The following ARHGAP15 variants were observed in gnomAD, a reference collection of about 807,000 sequenced individuals.
The protein encoded by ARHGAP15 is Rho GTPase activating protein 15.
In ARHGAP15, 51 loss-of-function variants were observed where a neutral mutation model predicts 63.7. The observed-to-expected ratio is 0.80, with a 90% CI of 0.64 to 1.01. The LOEUF is 1.01. Among genes scored for constraint, ARHGAP15 ranks in the 50% least tolerant of loss-of-function variants. ARHGAP15 has a pLI of 0.00. For synonymous variants in ARHGAP15, 191 were observed against 193.8 expected (o/e 0.99, Z 0.12); for missense variants, 560 against 564.6 (o/e 0.99, Z 0.08).
intron 11 of ARHGAP15, among the ~76,000 whole-genome samples, chr2:143,623,701 A>G (rs774453578): frequency 2.6e-5 from 4 of 152,214 alleles, no homozygotes; most frequent in Admixed American, 1.3e-4. Context: ...CTCATTTTCT[A>G]TTGCCATGTT....
intron 6 of ARHGAP15, among the ~76,000 whole-genome samples, chr2:143,292,005 A>C (rs1682424130): frequency 6.6e-6 from 1 of 152,136 alleles, no homozygotes; most frequent in African/African-American, 2.4e-5. Context: ...GAAAAGCCAT[A>C]ACTACCTCTA....
chr2:143,495,949 C>T (rs987314902), intron 9 of ARHGAP15, among the ~76,000 whole-genome samples: 1 of 152,174 alleles, frequency 6.6e-6, no homozygotes, highest in Non-Finnish European at 1.5e-5. Context: ...TGACAACTTC[C>T]ACGATATGCA....
chr2:143,496,327 G>C (rs535853661), intron 9 of ARHGAP15, among the ~76,000 whole-genome samples: 1 of 152,260 alleles, frequency 6.6e-6, no homozygotes, highest in Admixed American at 6.5e-5. Flanking sequence ...GTGCACACAG[G>C]AAACAATCCA....
chr2:143,389,389 C>T lies in ARHGAP15; in HGVS notation c.475-46212C>T, dbSNP rs1215499163. On this transcript the variant is annotated intron_variant, in intron 6 of 13. Transcript: ENST00000295095. Reference sequence around the variant, plus strand: ...ACAGATACTGAAAGAAGCAACCTTACACCACGCAAGGTCTATGGAAAACAA... The same window carrying T: ...ACAGATACTGAAAGAAGCAACCTTATACCACGCAAGGTCTATGGAAAACAA... Among the ~76,000 whole-genome samples the T allele has an allele frequency of 2.0e-5, 3 of 152,128 alleles. No individual in the cohort carries two copies. The East Asian group carries it at 5.8e-4, about 29-fold the overall frequency.
At position 143,644,184 on chromosome 2, in the gene ARHGAP15, C is replaced by T. The variant is rs555363029; in HGVS notation, c.1138+19917C>T. On this transcript the variant is annotated intron_variant, in intron 12 of 13. Coordinates refer to ENST00000295095, the MANE Select transcript of ARHGAP15 (RefSeq NM_018460.4). Reference sequence around the variant, plus strand: ...TTTTATGTTAAGGTTTGATAGAGAACGAACAGCCATGTAGAAATGTGGTTG... The same window carrying T: ...TTTTATGTTAAGGTTTGATAGAGAATGAACAGCCATGTAGAAATGTGGTTG... 2.6e-5 allele frequency among the ~76,000 whole-genome samples: 4 copies of T among 152,124 alleles called. No homozygotes were observed. In the East Asian group the frequency reaches 5.8e-4, roughly 22 times the overall value.
At chr2:143,652,342 C>G (rs1282281077) in intron 12 of ARHGAP15, among the ~76,000 whole-genome samples, 1 of 152,018 alleles carries the variant, frequency 6.6e-6, no homozygotes, top group Non-Finnish European at 1.5e-5. Context: ...GGCTGTAAAG[C>G]TTTATTTACA....
At chr2:143,690,188 G>C (rs558274543) in intron 12 of ARHGAP15, among the ~76,000 whole-genome samples, 1 of 152,154 alleles carries the variant, frequency 6.6e-6, no homozygotes, top group Non-Finnish European at 1.5e-5. Flanking sequence ...TTCCAATTAA[G>C]ACCAACATGT....
chr2:143,244,081 A>C (rs565812739), intron 5 of ARHGAP15, among the ~76,000 whole-genome samples: 1 of 152,254 alleles, frequency 6.6e-6, no homozygotes, highest in African/African-American at 2.4e-5. Context: ...TGTCATTCTG[A>C]GATGTATTAT....
At chr2:143,559,747 G>A (rs1574633882) in intron 11 of ARHGAP15, among the ~76,000 whole-genome samples, 1 of 152,100 alleles carries the variant, frequency 6.6e-6, no homozygotes, top group Non-Finnish European at 1.5e-5. Context: ...GTGTACATGT[G>A]GCCCTCTGTG....
In ARHGAP15 at chr2:143,647,350, C is replaced by G. The variant is rs1680930048; in HGVS notation, c.1138+23083C>G. 3.8e-5 allele frequency among the ~76,000 whole-genome samples: 5 copies of G among 131,044 alleles called. No individual in the cohort carries two copies. In the Admixed American group the frequency reaches 3.8e-4, roughly 10 times the overall value. 86.0% of individuals were successfully genotyped at this position (131,044 alleles called of 152,430 possible). The stretch of plus-strand genomic sequence containing the variant: ...TTGAGCATGGTTAATTAGGATATCA[C>G]CAAGTAGTTAAAAAAAAAAAAAAAA... On this transcript the variant is annotated intron_variant, in intron 12 of 13. Transcript: ENST00000295095.
At chr2:143,701,378 C>T (rs1194344549) in intron 12 of ARHGAP15, among the ~76,000 whole-genome samples, 1 of 152,076 alleles carries the variant, frequency 6.6e-6, no homozygotes, top group Non-Finnish European at 1.5e-5. Flanking sequence ...CTGTATTTGG[C>T]CTTAGTATCA....
At chr2:143,384,863 T>TG (rs975909138) in intron 6 of ARHGAP15, among the ~76,000 whole-genome samples, 2 of 152,144 alleles carry the variant, frequency 1.3e-5, no homozygotes, top group Admixed American at 6.6e-5. Context: ...TTATGGGGGT[T>TG]GGGGGGAGGA....
At chr2:143,414,634 G>A (rs1189243815) in intron 6 of ARHGAP15, among the ~76,000 whole-genome samples, 3 of 152,066 alleles carry the variant, frequency 2.0e-5, no homozygotes, top group Non-Finnish European at 2.9e-5. Flanking sequence ...GGTCTTACAC[G>A]TAGAAATATG....
At chr2:143,486,670 T>G (rs1288550212) in intron 8 of ARHGAP15, among the ~76,000 whole-genome samples, 1 of 152,168 alleles carries the variant, frequency 6.6e-6, no homozygotes, top group African/African-American at 2.4e-5. Context: ...ATTCACAGCC[T>G]TTAGCATGGA....
At chr2:143,323,043 C>T (rs936645864) in intron 6 of ARHGAP15, among the ~76,000 whole-genome samples, 4 of 152,206 alleles carry the variant, frequency 2.6e-5, no homozygotes, top group African/African-American at 9.6e-5. Flanking sequence ...TTGACCAAAG[C>T]TTCCAGTTTG....
intron 13 of ARHGAP15, among the ~76,000 whole-genome samples, chr2:143,765,148 G>GTGTGTGTGT (rs1559166659): frequency 7.8e-6 from 1 of 127,632 alleles, no homozygotes; most frequent in East Asian, 2.3e-4. Context: ...TGTGTGTGTG[G>GTGTGTGTGT]TAAAATTAAT....
chr2:143,186,522 G>A (rs1315082665), intron 2 of ARHGAP15, among the ~76,000 whole-genome samples: 1 of 151,962 alleles, frequency 6.6e-6, no homozygotes, highest in African/African-American at 2.4e-5. Flanking sequence ...CCTCATCTTT[G>A]AATTGCCACT....
intron 6 of ARHGAP15, among the ~76,000 whole-genome samples, chr2:143,419,301 A>G (rs1688813425): frequency 6.6e-6 from 1 of 152,168 alleles, no homozygotes; most frequent in African/African-American, 2.4e-5. Flanking sequence ...GAGATAATAC[A>G]ACTTGGAACA....
chr2:143,456,864 T>C (rs781332900), intron 8 of ARHGAP15, among the ~76,000 whole-genome samples: 2 of 151,862 alleles, frequency 1.3e-5, no homozygotes, highest in Non-Finnish European at 2.9e-5. Context: ...ATATAATGCA[T>C]GTATGTCTAT....
Sources: allele counts gnomAD v4.1 joint callset (sites outside exome capture counted in the v4.1 genomes callset), GRCh38; gene constraint gnomAD v4.1.1; transcripts MANE v1.5; gene names NCBI Gene and HGNC (gene_info 2026-07-23, HGNC 2026-07-21).